The following NTM variants were observed in gnomAD, a reference collection of about 807,000 sequenced individuals.
The protein encoded by NTM is IgLON family member 2.
NTM carries 13 observed loss-of-function variants against 42.1 expected under a neutral mutation model. The observed-to-expected ratio is 0.31, with a 90% CI of 0.20 to 0.49. The LOEUF (loss-of-function observed/expected upper bound fraction) is 0.49. NTM is among the 20% of genes least tolerant of loss of function. The pLI is 0.99. For missense variants in NTM, 373 were observed against 452.8 expected (o/e 0.82, Z 1.60); for synonymous variants, 187 against 179.2 (o/e 1.04, Z -0.35).
At chr11:131,426,718 C>T (rs1297134754) in intron 1 of NTM, among the ~76,000 whole-genome samples, 1 of 152,124 alleles carries the variant, frequency 6.6e-6, no homozygotes, top group African/African-American at 2.4e-5. Context: ...TGCTCAATGG[C>T]TAAATTAGTA....
chr11:132,321,696 C>T (rs374464916), intron 7 of NTM, among the ~76,000 whole-genome samples: 22 of 151,220 alleles, frequency 1.5e-4, no homozygotes, highest in Admixed American at 2.6e-4. Flanking sequence ...AGATACTCCT[C>T]GAGAAGAGCA....
intron 1 of NTM, among the ~76,000 whole-genome samples, chr11:131,546,121 G>T (rs1383406518): frequency 1.3e-5 from 2 of 152,156 alleles, no homozygotes; most frequent in South Asian, 2.1e-4. Flanking sequence ...CCAGTGTCAG[G>T]TCTTTTCCTT....
intron 2 of NTM, among the ~76,000 whole-genome samples, chr11:132,131,763 C>T (rs889367262): frequency 6.6e-6 from 1 of 152,222 alleles, no homozygotes; most frequent in South Asian, 2.1e-4. Context: ...TTAGAAAGGT[C>T]CCTGCGGCAA....
chr11:132,208,095 T>C (rs1451160846), intron 3 of NTM, among the ~76,000 whole-genome samples: 1 of 152,222 alleles, frequency 6.6e-6, no homozygotes, highest in East Asian at 1.9e-4. Context: ...AGTATGTTTC[T>C]AACAGTCTGA....
At chr11:132,317,046 C>T (rs538933215) in intron 7 of NTM, among the ~76,000 whole-genome samples, 12 of 152,272 alleles carry the variant, frequency 7.9e-5, no homozygotes, top group South Asian at 2.1e-4. Flanking sequence ...GTGGCCTAGA[C>T]GTTGAGAAGT....
intron 2 of NTM, among the ~76,000 whole-genome samples, chr11:132,014,644 C>A (rs1044277153): frequency 2.0e-5 from 3 of 150,776 alleles, no homozygotes; most frequent in African/African-American, 7.3e-5. Flanking sequence ...GTGATGTTGA[C>A]CATTTTTTTC....
intron 3 of NTM, among the ~76,000 whole-genome samples, chr11:132,195,305 A>T (rs959433418): frequency 2.0e-5 from 3 of 152,172 alleles, no homozygotes; most frequent in Non-Finnish European, 4.4e-5. Flanking sequence ...AAAGTCAAAA[A>T]CAAATCGAAA....
intron 1 of NTM, among the ~76,000 whole-genome samples, chr11:131,770,263 C>T (rs889169096): frequency 2.0e-5 from 3 of 152,216 alleles, no homozygotes; most frequent in African/African-American, 7.2e-5. Flanking sequence ...CAGACCTTTG[C>T]TTTCTTCTCC....
chr11:131,425,035 A>C (rs915028908), intron 1 of NTM, among the ~76,000 whole-genome samples: 1 of 151,568 alleles, frequency 6.6e-6, no homozygotes, highest in African/African-American at 2.4e-5. Flanking sequence ...ACCTGCCACC[A>C]TGCCTGGCTA....
In NTM at chr11:131,815,793, G is replaced by A. The variant is rs769831142; in HGVS notation, c.83-95771G>A. Among the ~76,000 whole-genome samples, 36 of 152,204 alleles carry A rather than the reference G, an allele frequency of 2.4e-4. 1 individual carries two copies. Among genetic ancestry groups the A allele is most frequent in the Non-Finnish European group, 4.6e-4 (31 of 68,038 alleles). ...TGACCCTGATAGAAATACTTAAGAA[G>A]CTTTGCAGGGGGATTAAGCGGCTGC... On this transcript the variant is annotated intron_variant, in intron 1 of 8. Transcript: ENST00000683400.
At chr11:131,395,094 C>A (rs1463325334) in intron 1 of NTM, among the ~76,000 whole-genome samples, 1 of 152,148 alleles carries the variant, frequency 6.6e-6, no homozygotes, top group Non-Finnish European at 1.5e-5. Flanking sequence ...AGCCAGGCTG[C>A]CTTCACATGA....
At chr11:131,772,972 A>G (rs1238499099) in intron 1 of NTM, among the ~76,000 whole-genome samples, 2 of 152,246 alleles carry the variant, frequency 1.3e-5, no homozygotes, top group African/African-American at 4.8e-5. Context: ...TATGGCTGCG[A>G]CATCATCCAC....
At position 131,608,503 on chromosome 11, in the gene NTM, T is replaced by C. The variant is rs533718845; in HGVS notation, c.82+237615T>C. Among the ~76,000 whole-genome samples, 5 of 152,338 alleles carry C rather than the reference T, an allele frequency of 3.3e-5. No homozygotes were observed. In the South Asian group the frequency reaches 8.3e-4, roughly 25 times the overall value. Reference sequence around the variant, plus strand: ...GTTCTTTTTTTTGGAGCTTTGTCCATGTGAGGATGTCCCATCATTTCTTAT... The same window carrying C: ...GTTCTTTTTTTTGGAGCTTTGTCCACGTGAGGATGTCCCATCATTTCTTAT... On this transcript the variant is annotated intron_variant, in intron 1 of 8. Coordinates refer to ENST00000683400, the MANE Select transcript of NTM (RefSeq NM_001352005.2).
intron 1 of NTM, among the ~76,000 whole-genome samples, chr11:131,437,495 T>C (rs1949244266): frequency 6.6e-6 from 1 of 152,248 alleles, no homozygotes; most frequent in Non-Finnish European, 1.5e-5. Context: ...ATATTTAGGA[T>C]AGTTAGCTCT....
chr11:132,230,295 A>G (rs2087237717), intron 4 of NTM, among the ~76,000 whole-genome samples: 1 of 152,230 alleles, frequency 6.6e-6, no homozygotes, highest in African/African-American at 2.4e-5. Flanking sequence ...AACTTTACCT[A>G]TATCAGCATG....
intron 1 of NTM, among the ~76,000 whole-genome samples, chr11:131,620,757 C>T (rs1488183658): frequency 2.0e-5 from 3 of 152,188 alleles, no homozygotes; most frequent in Non-Finnish European, 2.9e-5. Context: ...TTCTTCATAA[C>T]ACGTAGTGCT....
rs147557335 is a variant in NTM at position 131,619,120 on chromosome 11, T to G, written c.82+248232T>G. On this transcript the variant is annotated intron_variant, in intron 1 of 8. Coordinates refer to ENST00000683400, the MANE Select transcript of NTM (RefSeq NM_001352005.2). ...CGTAGCTGGAGTTTCTGAGATGCAG[T>G]AGCACTCCACAGCGAATAAGCCCAT... Among the ~76,000 whole-genome samples the G allele has an allele frequency of 4.3e-4, 66 of 152,268 alleles. No individual in the cohort carries two copies. The East Asian group carries it at 5.4e-3, about 12-fold the overall frequency.
At chr11:131,583,774 T>A (rs944064276) in intron 1 of NTM, among the ~76,000 whole-genome samples, 3 of 152,170 alleles carry the variant, frequency 2.0e-5, no homozygotes, top group Admixed American at 2.0e-4. Context: ...AATCACAAAC[T>A]GGGGCCAAGG....
chr11:131,622,554 A>G, intron 1 of NTM, among the ~76,000 whole-genome samples: 1 of 152,206 alleles, frequency 6.6e-6, no homozygotes, highest in East Asian at 1.9e-4. Context: ...TTATTAAATT[A>G]ACCACTATTT....
Sources: allele counts gnomAD v4.1 joint callset (sites outside exome capture counted in the v4.1 genomes callset), GRCh38; gene constraint gnomAD v4.1.1; transcripts MANE v1.5; gene names NCBI Gene and HGNC (gene_info 2026-07-23, HGNC 2026-07-21).